Variants in PPP4R2 observed in about 807,000 individuals in gnomAD.
PPP4R2 encodes the protein protein phosphatase 4 regulatory subunit 2.
In PPP4R2, 13 loss-of-function variants were observed where a neutral mutation model predicts 47.2. That is an observed-to-expected ratio of 0.28 (90% CI 0.18 to 0.44). The LOEUF is 0.44. PPP4R2 is among the 20% of genes least tolerant of loss of function. PPP4R2 has a pLI of 1.00. For missense variants in PPP4R2, 421 were observed against 491.2 expected (o/e 0.86, Z 1.35); for synonymous variants, 151 against 163.3 (o/e 0.92, Z 0.57).
intron 3 of PPP4R2, among the ~76,000 whole-genome samples, chr3:73,052,241 C>CTTTTTTTTTTTTTTTTTTTGTTA (rs71845467): frequency 7.3e-6 from 1 of 137,732 alleles, no homozygotes; most frequent in Non-Finnish European, 1.5e-5. Flanking sequence ...TAATTTCTTT[C>CTTTTTTTTTTTTTTTTTTTGTTA]TTTTCTTTTT....
intron 1 of PPP4R2, 95 bp downstream of exon 1, chr3:72,997,166 C>G: frequency 9.4e-7 from 1 of 1,063,808 alleles, no homozygotes; most frequent in Non-Finnish European, 1.2e-6. Flanking sequence ...CGGGGCCGGG[C>G]GCGGCGTGGG....
chr3:73,022,771 T>C (rs1179362416), intron 2 of PPP4R2, among the ~76,000 whole-genome samples: 1 of 148,550 alleles, frequency 6.7e-6, no homozygotes, highest in African/African-American at 2.5e-5. Context: ...CGCATTTCTT[T>C]TTTTTTTTTT....
intron 2 of PPP4R2, among the ~76,000 whole-genome samples, chr3:73,030,669 T>C (rs867027041): frequency 2.3e-4 from 35 of 151,390 alleles, no homozygotes; most frequent in African/African-American, 8.5e-4. Context: ...ACCAACTATA[T>C]CTGAGGGAGT....
At chr3:73,004,636 C>G (rs781075374) in intron 2 of PPP4R2, among the ~76,000 whole-genome samples, 1 of 152,010 alleles carries the variant, frequency 6.6e-6, no homozygotes, top group Non-Finnish European at 1.5e-5. Flanking sequence ...TGGGGTTTCA[C>G]CATGTTTTTA....
chr3:73,033,785 T>TGTCTG (rs1702211807), intron 2 of PPP4R2, among the ~76,000 whole-genome samples: 1 of 152,238 alleles, frequency 6.6e-6, no homozygotes, highest in Non-Finnish European at 1.5e-5. Flanking sequence ...AAATATTTCG[T>TGTCTG]GTCTGGCTTA....
chr3:73,028,851 G>A (rs1009769828), intron 2 of PPP4R2, among the ~76,000 whole-genome samples: 2 of 147,014 alleles, frequency 1.4e-5, no homozygotes, highest in Non-Finnish European at 2.9e-5. Context: ...TGATCAAGGA[G>A]AGGAGGAGGT....
In PPP4R2 at chr3:72,998,111, T is replaced by A; in HGVS notation, c.69T>A (p.Pro23=). The A allele has an allele frequency of 6.2e-7, 1 of 1,606,424 alleles. No individual in the cohort carries two copies. The part of the protein sequence containing the change: ...FEKRGKKEVC[P]VLDQFLCHVA... ...AGAGGGGGAAAAAGGAAGTTTGTCC[T>A]GTCCTGGATCAGTTTCTTTGTCATG... is the stretch of plus-strand genomic sequence containing the variant. The change falls in exon 2 of 9, where the codon CCT becomes CCA. Residue 23 remains proline, a synonymous_variant. Coordinates refer to ENST00000356692, the MANE Select transcript of PPP4R2 (RefSeq NM_174907.4).
chr3:73,053,265 CTTG>C (rs1702658332), intron 3 of PPP4R2, among the ~76,000 whole-genome samples: 1 of 140,226 alleles, frequency 7.1e-6, no homozygotes, highest in Admixed American at 7.1e-5. Flanking sequence ...CCCCTACTTA[CTTG>C]TTTTTTCTTT....
chr3:73,013,431 A>C lies in PPP4R2; in HGVS notation c.116+15273A>C, dbSNP rs573366438. 9.3e-4 allele frequency among the ~76,000 whole-genome samples: 141 copies of C among 152,310 alleles called. 1 individual carries two copies. The highest frequency in any genetic ancestry group is 3.3e-3 in the African/African-American group (136 of 41,566). ...TATAAATGTGGAAAACTCATGTGCAAAGATGATTGAAATTGATACTGCTTT... is the reference window on the plus strand; with the variant it reads ...TATAAATGTGGAAAACTCATGTGCACAGATGATTGAAATTGATACTGCTTT... On this transcript the variant is annotated intron_variant, in intron 2 of 8. Transcript: ENST00000356692.
intron 2 of PPP4R2, among the ~76,000 whole-genome samples, chr3:73,002,943 A>G (rs1291755315): frequency 6.6e-6 from 1 of 151,866 alleles, no homozygotes; most frequent in Non-Finnish European, 1.5e-5. Flanking sequence ...CGCCTGGCCC[A>G]GGGTTTTTAT....
chr3:73,022,374 GTATATAGAA>G (rs1226300781), intron 2 of PPP4R2, among the ~76,000 whole-genome samples: 4 of 152,076 alleles, frequency 2.6e-5, no homozygotes, highest in Admixed American at 2.6e-4. Context: ...GACTGATGAG[GTATATAGAA>G]GGTCAACAAA....
chr3:73,009,968 G>T (rs1438454636), intron 2 of PPP4R2, among the ~76,000 whole-genome samples: 3 of 152,184 alleles, frequency 2.0e-5, no homozygotes, highest in African/African-American at 4.8e-5. Flanking sequence ...ATACATGTGT[G>T]TGGAAATCTA....
At chr3:73,038,916 C>T (rs1030127214) in intron 2 of PPP4R2, among the ~76,000 whole-genome samples, 4 of 152,114 alleles carry the variant, frequency 2.6e-5, no homozygotes, top group African/African-American at 9.7e-5. Context: ...ATGTGTACAA[C>T]CATTTAGCAC....
In PPP4R2 at chr3:73,059,025, A is replaced by AT. The variant is rs1245566652; in HGVS notation, c.288-5dup. On this transcript the variant is annotated splice_polypyrimidine_tract_variant and intron_variant, in intron 3 of 8. Coordinates refer to ENST00000356692, the MANE Select transcript of PPP4R2 (RefSeq NM_174907.4). ...CAGTGATCTCACACTGTAAAATTAT[A>AT]TTTTTTTGCAGTATCCCTTTTACTA... 1.5e-5 allele frequency: 23 copies of AT among 1,499,738 alleles called. No individual in the cohort carries two copies. Among genetic ancestry groups the AT allele is most frequent in the African/African-American group, 1.3e-4 (9 of 71,678 alleles). The allele number at this position is 1,499,738 out of a possible 1,614,324, so 92.9% of individuals were successfully genotyped here.
At chr3:73,029,085 A>G (rs1702122805) in intron 2 of PPP4R2, among the ~76,000 whole-genome samples, 3 of 152,216 alleles carry the variant, frequency 2.0e-5, no homozygotes, top group Admixed American at 1.3e-4. Flanking sequence ...AGCTGAGACT[A>G]CAGGCTTGCA....
rs1702997257 is a variant in PPP4R2, at chr3:73,066,344, A to G, written c.*622A>G. On this transcript the variant is annotated 3_prime_UTR_variant, in exon 9 of 9. Coordinates refer to ENST00000356692, the MANE Select transcript of PPP4R2 (RefSeq NM_174907.4). ...ATACTTTTTCTATTGGTAATGATTGAGTTCACCTCTTTCAGAAGACATTTT... is the reference window on the plus strand; with the variant it reads ...ATACTTTTTCTATTGGTAATGATTGGGTTCACCTCTTTCAGAAGACATTTT... 1.3e-5 allele frequency: 2 copies of G among 150,950 alleles called. No homozygotes were observed. Among genetic ancestry groups the G allele is most frequent in the African/African-American group, 4.9e-5 (2 of 41,136 alleles). The allele number at this position is 150,950 out of a possible 1,614,324, so 9.4% of individuals were successfully genotyped here.
chr3:73,016,682 G>C (rs1249457867), intron 2 of PPP4R2, among the ~76,000 whole-genome samples: 1 of 138,050 alleles, frequency 7.2e-6, no homozygotes, highest in East Asian at 2.3e-4. Context: ...AGATGTTTTT[G>C]TGTTTATTTA....
chr3:73,056,692 T>C (rs1283703269), intron 3 of PPP4R2, among the ~76,000 whole-genome samples: 1 of 152,224 alleles, frequency 6.6e-6, no homozygotes, highest in Non-Finnish European at 1.5e-5. Context: ...GGTATTGCTA[T>C]GTAAACACAT....
At chr3:73,028,460 G>A (rs1373043717) in intron 2 of PPP4R2, among the ~76,000 whole-genome samples, 1 of 151,912 alleles carries the variant, frequency 6.6e-6, no homozygotes, top group Non-Finnish European at 1.5e-5. Context: ...CCAGGTAGAA[G>A]ACTTTTTTTG....
Sources: gnomAD v4.1 joint callset for allele counts (sites outside exome capture counted in the v4.1 genomes callset) on GRCh38, gnomAD v4.1.1 for gene constraint, MANE v1.5 for transcripts, NCBI Gene and HGNC (gene_info 2026-07-23, HGNC 2026-07-21) for gene names.